Variants in MSL2 observed in about 807,000 individuals in gnomAD.
MSL2 encodes the protein MSL complex subunit 2, also known as E3 ubiquitin-protein ligase MSL2.
In MSL2, 2 loss-of-function variants were observed where a neutral mutation model predicts 35.8. That is an observed-to-expected ratio of 0.06 (90% CI 0.02 to 0.18). MSL2 has a LOEUF of 0.18. Ranked by LOEUF, MSL2 falls within the 10% of genes least tolerant of loss-of-function variation. MSL2 has a pLI of 1.00. For missense variants in MSL2, 523 were observed against 706.7 expected (o/e 0.74, Z 2.95); for synonymous variants, 296 against 255.7 (o/e 1.16, Z -1.50).
intron 1 of MSL2, among the ~76,000 whole-genome samples, chr3:136,181,982 A>G (rs1940379904): frequency 6.6e-6 from 1 of 151,644 alleles, no homozygotes; most frequent in Non-Finnish European, 1.5e-5. Flanking sequence ...TGGGCTGAAG[A>G]AAAAAAAATT....
At chr3:136,164,073 CA>C (rs1294397690) in intron 1 of MSL2, among the ~76,000 whole-genome samples, 1 of 152,150 alleles carries the variant, frequency 6.6e-6, no homozygotes, top group African/African-American at 2.4e-5. Flanking sequence ...AATCTGAGTT[CA>C]TTTTTTTAAA....
chr3:136,191,780 A>G (rs548718922), intron 1 of MSL2, among the ~76,000 whole-genome samples: 1 of 152,340 alleles, frequency 6.6e-6, no homozygotes, highest in South Asian at 2.1e-4. Context: ...TTCAATAAAA[A>G]GTTTTTTCAA....
At chr3:136,176,642 G>C (rs1940189994) in intron 1 of MSL2, among the ~76,000 whole-genome samples, 1 of 151,248 alleles carries the variant, frequency 6.6e-6, no homozygotes, top group Non-Finnish European at 1.5e-5. Flanking sequence ...CTGGGCAACT[G>C]AGTGAGACCC....
At chr3:136,191,993 C>T (rs1204017131) in intron 1 of MSL2, among the ~76,000 whole-genome samples, 3 of 152,050 alleles carry the variant, frequency 2.0e-5, no homozygotes, top group Non-Finnish European at 2.9e-5. Context: ...TGTAAGTCAC[C>T]AGGCAGGAAA....
intron 1 of MSL2, among the ~76,000 whole-genome samples, chr3:136,191,853 G>A (rs538926069): frequency 3.3e-5 from 5 of 152,190 alleles, no homozygotes; most frequent in African/African-American, 1.2e-4. Flanking sequence ...AGAAGATAAA[G>A]GCAATTGGCA....
chr3:136,159,856 T>C (rs1025049599), intron 1 of MSL2, among the ~76,000 whole-genome samples: 1 of 152,090 alleles, frequency 6.6e-6, no homozygotes, highest in African/African-American at 2.4e-5. Context: ...AACTTTCTAT[T>C]GGCCAAAGTG....
At chr3:136,189,534 C>G (rs1006928678) in intron 1 of MSL2, among the ~76,000 whole-genome samples, 5 of 149,816 alleles carry the variant, frequency 3.3e-5, no homozygotes, top group Non-Finnish European at 7.4e-5. Flanking sequence ...ACCATCCTGG[C>G]TAACACAGTG....
chr3:136,190,672 A>G (rs892741980), intron 1 of MSL2, among the ~76,000 whole-genome samples: 5 of 152,220 alleles, frequency 3.3e-5, no homozygotes. Context: ...GATTGTATAC[A>G]TCAGACTTGT....
At chr3:136,184,311 T>C (rs572477373) in intron 1 of MSL2, among the ~76,000 whole-genome samples, 2 of 149,024 alleles carry the variant, frequency 1.3e-5, no homozygotes, top group Non-Finnish European at 3.0e-5. Flanking sequence ...AAGAATTCTA[T>C]GGTTCTGGGC....
chr3:136,191,877 A>C (rs1940700517), intron 1 of MSL2, among the ~76,000 whole-genome samples: 1 of 152,248 alleles, frequency 6.6e-6, no homozygotes, highest in Non-Finnish European at 1.5e-5. Context: ...AGTTAAAGCA[A>C]TGTGCCTACA....
intron 1 of MSL2, among the ~76,000 whole-genome samples, chr3:136,189,541 A>T (rs977268293): frequency 6.7e-6 from 1 of 150,012 alleles, no homozygotes; most frequent in Non-Finnish European, 1.5e-5. Flanking sequence ...TGGCTAACAC[A>T]GTGAAACCCC....
intron 1 of MSL2, among the ~76,000 whole-genome samples, chr3:136,188,176 T>G (rs1224811795): frequency 6.6e-6 from 1 of 152,126 alleles, no homozygotes; most frequent in Non-Finnish European, 1.5e-5. Context: ...GGCTCACACC[T>G]GTAATCCCAC....
At position 136,195,449 on chromosome 3, in the gene MSL2, G is replaced by C. The variant is rs1940810421; in HGVS notation, c.-336C>G. ...GGAGCTCAGTCTAGCCCCGCGGCTC[G>C]GCAGGCGGCCTGCACTCGAGCTCCA... is the stretch of plus-strand genomic sequence containing the variant. On this transcript the variant is annotated 5_prime_UTR_variant, in exon 1 of 2. Coordinates refer to ENST00000309993, the MANE Select transcript of MSL2 (RefSeq NM_018133.4). 43 of 1,044,288 alleles carry C rather than the reference G, an allele frequency of 4.1e-5. No individual in the cohort carries two copies. The highest frequency in any genetic ancestry group is 4.8e-5 in the Non-Finnish European group (42 of 867,622). 64.7% of individuals were successfully genotyped at this position (1,044,288 alleles called of 1,614,324 possible).
Position 136,195,007 on chromosome 3 carries a change from G to A in MSL2, c.107C>T (p.Pro36Leu). The A allele has an allele frequency of 6.2e-7, 1 of 1,614,004 alleles. No individual in the cohort carries two copies. Among genetic ancestry groups the A allele is most frequent in the Non-Finnish European group, 8.5e-7 (1 of 1,180,008 alleles). The part of the protein sequence containing the change: ...KAFTEINRLL[P>L]YFRQSLSCCV... ...GCACGAAAGGGACTGTCGGAAGTAAGGCAAGAGCCTGTTAATCTCAGTAAA... is the reference window on the plus strand; with the variant it reads ...GCACGAAAGGGACTGTCGGAAGTAAAGCAAGAGCCTGTTAATCTCAGTAAA... Residue 36 changes from proline to leucine, a missense_variant, in exon 1 of 2, where the codon CCT becomes CTT. Pro to Leu is a moderately conservative substitution (Grantham distance 98). Coordinates refer to ENST00000309993, the MANE Select transcript of MSL2 (RefSeq NM_018133.4).
chr3:136,152,791 T>G (rs959247470), intron 1 of MSL2, 53 bp from the exon 2 acceptor site: 187 of 1,572,162 alleles, frequency 1.2e-4, no homozygotes, highest in Non-Finnish European at 1.6e-4. Context: ...ATTTACCATT[T>G]CATAAACTGA....
At chr3:136,169,917 G>A (rs906534536) in intron 1 of MSL2, among the ~76,000 whole-genome samples, 22 of 151,732 alleles carry the variant, frequency 1.4e-4, no homozygotes, top group Non-Finnish European at 2.8e-4. Context: ...GTAGCCAGGT[G>A]TGGTGGCAGA....
intron 1 of MSL2, among the ~76,000 whole-genome samples, chr3:136,182,532 G>A (rs898149715): frequency 6.6e-6 from 1 of 152,152 alleles, no homozygotes; most frequent in Non-Finnish European, 1.5e-5. Context: ...CAGGGAGGGA[G>A]AATCCAAAGC....
At position 136,165,275 on chromosome 3, in the gene MSL2, T is replaced by C. The variant is rs184877884; in HGVS notation, c.143-12537A>G. Among the ~76,000 whole-genome samples the C allele has an allele frequency of 1.4e-3, 205 of 151,500 alleles. 1 individual carries two copies. Among genetic ancestry groups the C allele is most frequent in the Admixed American group, 2.6e-3 (40 of 15,246 alleles). On this transcript the variant is annotated intron_variant, in intron 1 of 1. Coordinates refer to ENST00000309993, the MANE Select transcript of MSL2 (RefSeq NM_018133.4). ...TATCTGCAATATTTCACGATTACCA[T>C]CCTTTTCATAAGTGGACATATAACT...
chr3:136,177,202 G>A (rs1417977407), intron 1 of MSL2, among the ~76,000 whole-genome samples: 1 of 152,162 alleles, frequency 6.6e-6, no homozygotes, highest in Non-Finnish European at 1.5e-5. Context: ...TAATATTCAA[G>A]CAACTATGCC....
Sources: gnomAD v4.1 joint callset for allele counts (sites outside exome capture counted in the v4.1 genomes callset) on GRCh38, gnomAD v4.1.1 for gene constraint, MANE v1.5 for transcripts, NCBI Gene and HGNC (gene_info 2026-07-23, HGNC 2026-07-21) for gene names.